Variants in LRRTM4 observed in about 807,000 individuals in gnomAD.
LRRTM4 encodes leucine rich repeat transmembrane neuronal 4, also known as leucine-rich repeat transmembrane neuronal protein 4.
A neutral mutation model predicts 47.6 loss-of-function variants in LRRTM4; 25 were observed. That is an observed-to-expected ratio of 0.53 (90% CI 0.38 to 0.73). The LOEUF is 0.73. Among genes scored for constraint, LRRTM4 ranks in the 30% least tolerant of loss-of-function variants. The pLI, the probability that LRRTM4 is intolerant of heterozygous loss-of-function variation, is 0.00. For synonymous variants in LRRTM4, 311 were observed against 269.5 expected, an observed-to-expected ratio of 1.15 and a Z score of -1.51; for missense variants, 638 against 713.4, an observed-to-expected ratio of 0.89 and a Z score of 1.20.
At chr2:77,191,453 T>G (rs534641415) in intron 3 of LRRTM4, among the ~76,000 whole-genome samples, 230 of 151,946 alleles carry the variant, frequency 1.5e-3, no homozygotes, top group African/African-American at 5.4e-3. Context: ...TAAAAATATA[T>G]ATAAGGTAGA....
intron 3 of LRRTM4, among the ~76,000 whole-genome samples, chr2:77,275,535 C>A (rs1239761418): frequency 1.3e-5 from 2 of 152,064 alleles, no homozygotes; most frequent in African/African-American, 4.8e-5. Flanking sequence ...AATAAAATTA[C>A]GAGCATACAA....
chr2:77,028,932 G>A (rs1374002975), intron 3 of LRRTM4, among the ~76,000 whole-genome samples: 1 of 151,136 alleles, frequency 6.6e-6, no homozygotes, highest in Non-Finnish European at 1.5e-5. Context: ...CTACTCGGGA[G>A]GCTGAGGCAG....
chr2:76,817,679 T>C (rs1670940077), intron 3 of LRRTM4, among the ~76,000 whole-genome samples: 1 of 151,942 alleles, frequency 6.6e-6, no homozygotes, highest in Non-Finnish European at 1.5e-5. Context: ...ATATGACTAC[T>C]CAACTTCCCT....
intron 3 of LRRTM4, among the ~76,000 whole-genome samples, chr2:77,295,716 C>T (rs907412080): frequency 6.6e-5 from 10 of 152,196 alleles, no homozygotes; most frequent in African/African-American, 2.4e-4. Context: ...GCCATCTCCT[C>T]CCTTTCACGT....
intron 3 of LRRTM4, among the ~76,000 whole-genome samples, chr2:77,315,078 G>C (rs1419696915): frequency 6.6e-6 from 1 of 152,068 alleles, no homozygotes; most frequent in Admixed American, 6.6e-5. Context: ...AATTACAACA[G>C]GTTTATTAGG....
intron 3 of LRRTM4, among the ~76,000 whole-genome samples, chr2:77,282,436 A>T (rs1024544251): frequency 2.6e-5 from 4 of 151,358 alleles, no homozygotes; most frequent in Non-Finnish European, 4.4e-5. Context: ...TTATTTATTT[A>T]TTTTTTTCTT....
intron 3 of LRRTM4, among the ~76,000 whole-genome samples, chr2:76,920,789 CT>C (rs113682288): frequency 1.3e-5 from 2 of 152,078 alleles, no homozygotes; most frequent in African/African-American, 4.8e-5. Flanking sequence ...ACTTCATTCG[CT>C]AAAGCCCCAT....
intron 3 of LRRTM4, among the ~76,000 whole-genome samples, chr2:76,785,446 G>A (rs922770437): frequency 2.6e-5 from 4 of 152,108 alleles, no homozygotes; most frequent in Admixed American, 2.6e-4. Context: ...CATTTAATGA[G>A]AGTGAATTTT....
chr2:77,016,453 C>T (rs1441178300), intron 3 of LRRTM4, among the ~76,000 whole-genome samples: 1 of 150,220 alleles, frequency 6.7e-6, no homozygotes, highest in Non-Finnish European at 1.5e-5. Context: ...TGAATAGAAA[C>T]AAATATTTCA....
rs61365229 is a variant in LRRTM4 at position 77,350,332 on chromosome 2, CAAAAAAAAAA to C, written c.1551+167976_1551+167985del. The stretch of plus-strand genomic sequence containing the variant: ...TGGGCGACAGAGCAAGACTCCGTCT[CAAAAAAAAAA>C]AAAAAAAAAAAAAAAAAAAAAGAAA... On this transcript the variant is annotated intron_variant, in intron 3 of 3. Transcript: ENST00000409884. Among the ~76,000 whole-genome samples the C allele has an allele frequency of 3.3e-4, 13 of 39,186 alleles. No individual in the cohort carries two copies. In the South Asian group the frequency reaches 0.011, roughly 32 times the overall value. 25.7% of individuals were successfully genotyped at this position (39,186 alleles called of 152,430 possible). A position where few individuals can be genotyped will look rare whatever the true frequency, so the allele number is the denominator to read the frequency against.
chr2:77,122,705 G>A (rs1671551731), intron 3 of LRRTM4, among the ~76,000 whole-genome samples: 1 of 151,508 alleles, frequency 6.6e-6, no homozygotes, highest in South Asian at 2.1e-4. Context: ...TTCCTCATGG[G>A]ACTGCCTGCT....
rs150407758 is a variant in LRRTM4, at chr2:76,942,643, G to A, written c.1552-193727C>T. Among the ~76,000 whole-genome samples, 798 of 148,008 alleles carry A rather than the reference G, an allele frequency of 5.4e-3. 4 individuals are homozygous for A. Among genetic ancestry groups the A allele is most frequent in the Non-Finnish European group, 9.7e-3 (656 of 67,724 alleles). Reference sequence around the variant, plus strand: ...TTCTATGTTTTACTATATTTACAATGGAACCTTGGTCAAGTAACCAACCTC... The same window carrying A: ...TTCTATGTTTTACTATATTTACAATAGAACCTTGGTCAAGTAACCAACCTC... On this transcript the variant is annotated intron_variant, in intron 3 of 3. Coordinates refer to ENST00000409884, the MANE Select transcript of LRRTM4 (RefSeq NM_001134745.3).
At chr2:77,428,114 C>T (rs1334367829) in intron 3 of LRRTM4, among the ~76,000 whole-genome samples, 1 of 152,162 alleles carries the variant, frequency 6.6e-6, no homozygotes, top group Non-Finnish European at 1.5e-5. Context: ...TTCCTGCCAC[C>T]ATGTGAAGAA....
At chr2:77,395,303 T>C (rs1279292196) in intron 3 of LRRTM4, among the ~76,000 whole-genome samples, 3 of 151,966 alleles carry the variant, frequency 2.0e-5, no homozygotes, top group Non-Finnish European at 4.4e-5. Context: ...GTTCAGTCAG[T>C]TGAAAGGCTT....
At chr2:76,895,548 G>T (rs113345302) in intron 3 of LRRTM4, among the ~76,000 whole-genome samples, 2,030 of 152,028 alleles carry the variant, frequency 0.013, 46 homozygotes, top group African/African-American at 0.047. Context: ...GTGGCTTCTC[G>T]CAAAAGGAAA....
chr2:76,896,466 A>G (rs1240672555), intron 3 of LRRTM4, among the ~76,000 whole-genome samples: 2 of 152,058 alleles, frequency 1.3e-5, no homozygotes, highest in Non-Finnish European at 2.9e-5. Flanking sequence ...TCTATGAAAA[A>G]AAATCATCAA....
chr2:77,440,827 T>C (rs1454969507), intron 3 of LRRTM4, among the ~76,000 whole-genome samples: 1 of 152,226 alleles, frequency 6.6e-6, no homozygotes, highest in Admixed American at 6.5e-5. Flanking sequence ...TTAGATATAT[T>C]TACTTCTCCA....
chr2:76,774,332 C>T (rs1368094024), intron 3 of LRRTM4, among the ~76,000 whole-genome samples: 1 of 151,882 alleles, frequency 6.6e-6, no homozygotes, highest in Non-Finnish European at 1.5e-5. Context: ...GCTGGGATTA[C>T]AGGCACGTGC....
chr2:76,861,308 G>A (rs1404807008), intron 3 of LRRTM4, among the ~76,000 whole-genome samples: 1 of 152,010 alleles, frequency 6.6e-6, no homozygotes, highest in Admixed American at 6.6e-5. Context: ...CAGGCTAAAA[G>A]ACTGCATTAT....
Sources: gnomAD v4.1 joint callset for allele counts (sites outside exome capture counted in the v4.1 genomes callset) on GRCh38, gnomAD v4.1.1 for gene constraint, MANE v1.5 for transcripts, NCBI Gene and HGNC (gene_info 2026-07-23, HGNC 2026-07-21) for gene names.